CAMTA1: variants seen among roughly 807,000 people sequenced by gnomAD.
CAMTA1 encodes the protein calmodulin binding transcription activator 1, also known as calmodulin-binding transcription activator 1.
Under a neutral mutation model 170.9 loss-of-function variants are expected in CAMTA1, and 27 were observed. The observed-to-expected ratio is 0.16, with a 90% CI of 0.12 to 0.22. The LOEUF is 0.22. Among genes scored for constraint, CAMTA1 ranks in the 10% least tolerant of loss-of-function variants. The pLI is 1.00. For synonymous variants in CAMTA1, 833 were observed against 891.5 expected (o/e 0.93, Z 1.17); for missense variants, 1,619 against 2,217.2 (o/e 0.73, Z 5.42).
intron 1 of CAMTA1, among the ~76,000 whole-genome samples, chr1:6,798,636 C>T (rs1396823362): frequency 9.8e-6 from 1 of 102,330 alleles, no homozygotes; most frequent in Non-Finnish European, 2.1e-5. Flanking sequence ...GTCGCCCAGG[C>T]CGGACTGCGG....
intron 3 of CAMTA1, among the ~76,000 whole-genome samples, chr1:6,826,276 C>G (rs1647095267): frequency 6.6e-6 from 1 of 152,200 alleles, no homozygotes; most frequent in Non-Finnish European, 1.5e-5. Flanking sequence ...CTTGTCTCAA[C>G]TGATTGTAAA....
intron 11 of CAMTA1, among the ~76,000 whole-genome samples, chr1:7,703,834 T>C (rs934404125): frequency 2.0e-5 from 3 of 152,112 alleles, no homozygotes; most frequent in Admixed American, 2.0e-4. Context: ...CGCCTGAGCC[T>C]CGATTAAGAG....
chr1:7,754,563 TTTTG>T (rs1173598869), intron 21 of CAMTA1, among the ~76,000 whole-genome samples: 2 of 152,224 alleles, frequency 1.3e-5, no homozygotes, highest in Non-Finnish European at 2.9e-5. Flanking sequence ...GTCCTTTCAC[TTTTG>T]TTTTTAGAGT....
chr1:7,612,927 C>T (rs1330357388), intron 6 of CAMTA1, among the ~76,000 whole-genome samples: 1 of 152,252 alleles, frequency 6.6e-6, no homozygotes, highest in East Asian at 1.9e-4. Flanking sequence ...GGAGGGCCTG[C>T]TCCCCAGGAG....
intron 3 of CAMTA1, among the ~76,000 whole-genome samples, chr1:6,968,240 A>G (rs146389073): frequency 6.6e-6 from 1 of 152,308 alleles, no homozygotes; most frequent in African/African-American, 2.4e-5. Context: ...TCCAGCATCT[A>G]GAAATCTCCC....
intron 6 of CAMTA1, among the ~76,000 whole-genome samples, chr1:7,469,783 A>G (rs1420600110): frequency 1.3e-5 from 2 of 152,156 alleles, no homozygotes; most frequent in Non-Finnish European, 2.9e-5. Flanking sequence ...ATCAGACACC[A>G]TTGGGCAGCC....
chr1:7,490,732 C>T (rs1432250924), intron 6 of CAMTA1, among the ~76,000 whole-genome samples: 1 of 152,052 alleles, frequency 6.6e-6, no homozygotes, highest in Non-Finnish European at 1.5e-5. Flanking sequence ...AGCCACCGTG[C>T]GTTACCTTTT....
chr1:7,022,794 C>A (rs937920012), intron 3 of CAMTA1, among the ~76,000 whole-genome samples: 1 of 152,164 alleles, frequency 6.6e-6, no homozygotes, highest in African/African-American at 2.4e-5. Context: ...AAGATGCCAA[C>A]TATGCATATG....
At chr1:7,103,335 C>T (rs1642969232) in intron 4 of CAMTA1, among the ~76,000 whole-genome samples, 2 of 151,836 alleles carry the variant, frequency 1.3e-5, no homozygotes, top group African/African-American at 4.8e-5. Flanking sequence ...CACATATACA[C>T]ACAACTACAC....
At chr1:7,500,104 A>G (rs6673735) in intron 6 of CAMTA1, among the ~76,000 whole-genome samples, 76,719 of 121,706 alleles carry the variant, frequency 0.63, 23,609 homozygotes, top group African/African-American at 0.79. Flanking sequence ...AGTGTGTAGA[A>G]GATTGTGTGA....
At chr1:6,869,358 C>G (rs1667725645) in intron 3 of CAMTA1, among the ~76,000 whole-genome samples, 2 of 152,182 alleles carry the variant, frequency 1.3e-5, no homozygotes, top group South Asian at 2.1e-4. Context: ...TCAAATAGTT[C>G]AGGTTAAATC....
intron 5 of CAMTA1, among the ~76,000 whole-genome samples, chr1:7,356,365 C>G (rs1176243959): frequency 1.3e-5 from 2 of 152,252 alleles, no homozygotes; most frequent in African/African-American, 4.8e-5. Flanking sequence ...GCTGCAGGAT[C>G]TTCCTGCCTG....
intron 6 of CAMTA1, among the ~76,000 whole-genome samples, chr1:7,540,573 C>T (rs1320275588): frequency 1.3e-5 from 2 of 152,186 alleles, no homozygotes; most frequent in African/African-American, 2.4e-5. Context: ...GTAACTGGTG[C>T]AGGAAATGTT....
At chr1:7,655,375 T>A (rs1396487453) in intron 7 of CAMTA1, among the ~76,000 whole-genome samples, 1 of 137,202 alleles carries the variant, frequency 7.3e-6, no homozygotes, top group East Asian at 2.4e-4. Flanking sequence ...CACCCACCTA[T>A]ACACACACAC....
At chr1:7,495,017 C>G (rs1303811433) in intron 6 of CAMTA1, among the ~76,000 whole-genome samples, 1 of 152,046 alleles carries the variant, frequency 6.6e-6, no homozygotes, top group Non-Finnish European at 1.5e-5. Flanking sequence ...TGCTTCTTGT[C>G]CTGAGAAAAG....
At chr1:7,147,193 G>C (rs1646250656) in intron 4 of CAMTA1, among the ~76,000 whole-genome samples, 1 of 151,930 alleles carries the variant, frequency 6.6e-6, no homozygotes, top group Non-Finnish European at 1.5e-5. Flanking sequence ...GGCCGAGGTG[G>C]GCAGATCACA....
chr1:7,051,545 T>C (rs1706359725), intron 3 of CAMTA1, among the ~76,000 whole-genome samples: 1 of 152,190 alleles, frequency 6.6e-6, no homozygotes, highest in South Asian at 2.1e-4. Flanking sequence ...TGGGTCCTGA[T>C]TGCCAGGTCT....
chr1:7,053,440 C>A (rs1202931494), intron 3 of CAMTA1, among the ~76,000 whole-genome samples: 3 of 152,230 alleles, frequency 2.0e-5, no homozygotes, highest in Admixed American at 2.0e-4. Context: ...CCTCTGCGCC[C>A]TTGCTCTAGA....
At chr1:7,741,391 G>C (rs1312520274) in intron 16 of CAMTA1, among the ~76,000 whole-genome samples, 1 of 151,920 alleles carries the variant, frequency 6.6e-6, no homozygotes, top group Non-Finnish European at 1.5e-5. Flanking sequence ...GTGAAACCCC[G>C]TCTCTACTAA....
Sources: gnomAD v4.1 joint callset for allele counts (sites outside exome capture counted in the v4.1 genomes callset) on GRCh38, gnomAD v4.1.1 for gene constraint, MANE v1.5 for transcripts, NCBI Gene and HGNC (gene_info 2026-07-23, HGNC 2026-07-21) for gene names.